The following INTS4 variants were observed in gnomAD, a reference collection of about 807,000 sequenced individuals.
INTS4 encodes integrator complex subunit 4.
INTS4 carries 70 observed loss-of-function variants against 119.5 expected under a neutral mutation model. The observed-to-expected ratio is 0.59, with a 90% CI of 0.48 to 0.71. The LOEUF (loss-of-function observed/expected upper bound fraction) is 0.71. Among genes scored for constraint, INTS4 ranks in the 30% least tolerant of loss-of-function variants. INTS4 has a pLI of 0.00. For missense variants in INTS4, 867 were observed against 1,173.2 expected (o/e 0.74, Z 3.81); for synonymous variants, 316 against 419.6 (o/e 0.75, Z 3.02).
chr11:77,916,925 T>A (rs578216467), intron 15 of INTS4, among the ~76,000 whole-genome samples: 1 of 152,354 alleles, frequency 6.6e-6, no homozygotes, highest in East Asian at 1.9e-4. Context: ...CCTCAGCAAC[T>A]GGCTTATTAG....
chr11:77,940,741 G>T (rs1953911309), intron 9 of INTS4, among the ~76,000 whole-genome samples: 1 of 152,042 alleles, frequency 6.6e-6, no homozygotes, highest in Non-Finnish European at 1.5e-5. Flanking sequence ...GGGTTCAAGT[G>T]ATTCCCTGCC....
Position 77,892,136 on chromosome 11 carries a change from T to C in INTS4, c.2289-296A>G, listed in dbSNP as rs1485570762. 2.6e-5 allele frequency among the ~76,000 whole-genome samples: 4 copies of C among 152,218 alleles called. No individual in the cohort carries two copies. In the South Asian group the frequency reaches 6.2e-4, roughly 24 times the overall value. On this transcript the variant is annotated intron_variant, in intron 19 of 22. Transcript: ENST00000534064. ...CATTAGAATTTTTATTTTCGTATTA[T>C]AGATTCATTAATTATTTTAACAAAT...
At chr11:77,960,225 C>T (rs746426938) in intron 6 of INTS4, 116 bp downstream of exon 6, 19 of 675,252 alleles carry the variant, frequency 2.8e-5, no homozygotes, top group Admixed American at 6.6e-5. Context: ...TCCCAATCAA[C>T]GCTGCCACTA....
At chr11:77,901,105 T>A (rs1226163908) in intron 18 of INTS4, among the ~76,000 whole-genome samples, 4 of 152,210 alleles carry the variant, frequency 2.6e-5, no homozygotes. Flanking sequence ...TGGCACTAAA[T>A]TCTTAAGGAA....
Position 77,890,673 on chromosome 11 carries a change from G to A in INTS4, c.2592+646C>T, listed in dbSNP as rs1488445864. On this transcript the variant is annotated intron_variant, in intron 21 of 22. Transcript: ENST00000534064. ...TGCACACCCCGAGAGGAAGAACTGT[G>A]ACATATTTACCTTGGCAACCACAGC... Among the ~76,000 whole-genome samples the A allele has an allele frequency of 2.0e-5, 3 of 152,164 alleles. No homozygotes were observed. The East Asian group carries it at 5.8e-4, about 29-fold the overall frequency.
intron 15 of INTS4, among the ~76,000 whole-genome samples, chr11:77,916,774 G>A (rs893147440): frequency 6.6e-6 from 1 of 152,250 alleles, no homozygotes; most frequent in Non-Finnish European, 1.5e-5. Context: ...CCACTACCGT[G>A]ATGGGTCGGG....
chr11:77,994,564 T>A (rs751936609), intron 1 of INTS4, 26 bp downstream of exon 1: 13 of 1,568,474 alleles, frequency 8.3e-6, no homozygotes, highest in Non-Finnish European at 1.1e-5. Flanking sequence ...CCGGATCGGT[T>A]CTGGATCTTT....
intron 15 of INTS4, among the ~76,000 whole-genome samples, chr11:77,908,622 C>T (rs1258274284): frequency 6.6e-6 from 1 of 152,130 alleles, no homozygotes; most frequent in African/African-American, 2.4e-5. Flanking sequence ...CCACCGCCCC[C>T]GGCCCAAGTA....
At chr11:77,887,768 T>TAAGA (rs1952080071) in intron 21 of INTS4, among the ~76,000 whole-genome samples, 1 of 152,214 alleles carries the variant, frequency 6.6e-6, no homozygotes, top group Non-Finnish European at 1.5e-5. Context: ...AGCATTCTTA[T>TAAGA]ACGCCAATAA....
rs968732966 is a variant in INTS4, at chr11:77,938,889, T to G, written c.991-64A>C. 9 of 1,206,736 alleles carry G rather than the reference T, an allele frequency of 7.5e-6. No homozygotes were observed. The African/African-American group carries it at 1.2e-4, about 16-fold the overall frequency. The allele number at this position is 1,206,736 out of a possible 1,614,324, so 74.8% of individuals were successfully genotyped here. On this transcript the variant is annotated intron_variant, in intron 9 of 22. Transcript: ENST00000534064. The stretch of plus-strand genomic sequence containing the variant: ...CATGAAGGAACACTAAGATGAACCC[T>G]GAGAACATGGGAAGGCAGAAAATAA...
chr11:77,895,982 T>C lies in INTS4; in HGVS notation c.2229-1633A>G, dbSNP rs868026984. 1.5e-3 allele frequency among the ~76,000 whole-genome samples: 235 copies of C among 152,270 alleles called. 1 individual carries two copies. The highest frequency in any genetic ancestry group is 4.6e-3 in the African/African-American group (190 of 41,556). The stretch of plus-strand genomic sequence containing the variant: ...CAATTTAAACTAGTCTAGACTTTCA[T>C]TGTAAGTAGGCAAAGACAATGGAAA... On this transcript the variant is annotated intron_variant, in intron 18 of 22. Transcript: ENST00000534064.
chr11:77,936,154 AAGGATGGAATATATAC>A (rs536014859), intron 10 of INTS4, among the ~76,000 whole-genome samples: 19,755 of 150,904 alleles, frequency 0.13, 1,498 homozygotes, highest in East Asian at 0.25. Context: ...TGAAAAGACA[AAGGATGGAATATATAC>A]AGGATGGAAT....
At chr11:77,907,980 T>C (rs11821923) in intron 15 of INTS4, among the ~76,000 whole-genome samples, 170 bp from the exon 16 acceptor site, 2,807 of 152,300 alleles carry the variant, frequency 0.018, 72 homozygotes, top group African/African-American at 0.063. Context: ...ACTCACACTG[T>C]GATAGTAGTT....
intron 4 of INTS4, among the ~76,000 whole-genome samples, chr11:77,965,822 A>G (rs1010454710): frequency 6.6e-6 from 1 of 152,194 alleles, no homozygotes; most frequent in Non-Finnish European, 1.5e-5. Context: ...ACTGATTTCA[A>G]TTCCTTTAGA....
At chr11:77,900,689 A>G (rs1265595472) in intron 18 of INTS4, 1 of 684,942 alleles carries the variant, frequency 1.5e-6, no homozygotes, top group Non-Finnish European at 2.6e-6. Flanking sequence ...TGAAATAGTA[A>G]GAAACAAAAA....
At chr11:77,917,221 A>T (rs1480067331) in intron 15 of INTS4, among the ~76,000 whole-genome samples, 1 of 152,208 alleles carries the variant, frequency 6.6e-6, no homozygotes, top group Non-Finnish European at 1.5e-5. Context: ...ACTAAAAATT[A>T]TTAATTGAAT....
rs1252983222 is a variant in INTS4, at chr11:77,918,729, A to G, written c.1922+92T>C. The stretch of plus-strand genomic sequence containing the variant: ...GTGAATGTAGACCAATAAAGTCAGA[A>G]TATCAAGCCTAGTAACCAACACCAG... On this transcript the variant is annotated intron_variant, in intron 15 of 22. Transcript: ENST00000534064. 8.5e-6 allele frequency: 13 copies of G among 1,528,778 alleles called. No individual in the cohort carries two copies. In the Admixed American group the frequency reaches 2.4e-4, roughly 28 times the overall value. The allele number at this position is 1,528,778 out of a possible 1,614,324, so 94.7% of individuals were successfully genotyped here.
rs530029586 is a variant in INTS4 at position 77,970,629 on chromosome 11, G to A, written c.471+8367C>T. On this transcript the variant is annotated intron_variant, in intron 4 of 22. Coordinates refer to ENST00000534064, the MANE Select transcript of INTS4 (RefSeq NM_033547.4). Reference sequence around the variant, plus strand: ...ATATCTCTTGAGCTCAGGAGTTCAAGACCAGCCTGGGTAACATGCCAAAAC... The same window carrying A: ...ATATCTCTTGAGCTCAGGAGTTCAAAACCAGCCTGGGTAACATGCCAAAAC... Among the ~76,000 whole-genome samples the A allele has an allele frequency of 2.0e-5, 3 of 151,446 alleles. No homozygotes were observed. The South Asian group carries it at 6.3e-4, about 32-fold the overall frequency.
At chr11:77,967,280 G>A (rs1855546139) in intron 4 of INTS4, among the ~76,000 whole-genome samples, 1 of 152,108 alleles carries the variant, frequency 6.6e-6, no homozygotes, top group Non-Finnish European at 1.5e-5. Flanking sequence ...ATAAGGATGG[G>A]ACTCTAGTGT....
Sources: gnomAD v4.1 joint callset for allele counts (sites outside exome capture counted in the v4.1 genomes callset) on GRCh38, gnomAD v4.1.1 for gene constraint, MANE v1.5 for transcripts, NCBI Gene and HGNC (gene_info 2026-07-23, HGNC 2026-07-21) for gene names.